Variants in ALK observed in about 807,000 individuals in gnomAD.
ALK encodes ALK tyrosine kinase receptor.
Under a neutral mutation model 163.1 loss-of-function variants are expected in ALK, and 74 were observed. That is an observed-to-expected ratio of 0.45 (90% CI 0.38 to 0.55). The LOEUF (loss-of-function observed/expected upper bound fraction) is 0.55. Ranked by LOEUF, ALK falls within the 20% of genes least tolerant of loss-of-function variation. ALK has a pLI of 0.00. For synonymous variants in ALK, 960 were observed against 843.2 expected (o/e 1.14, Z -2.40); for missense variants, 2,063 against 2,105.3 (o/e 0.98, Z 0.39).
At chr2:29,478,130 C>G (rs892974368) in intron 4 of ALK, among the ~76,000 whole-genome samples, 2 of 152,158 alleles carry the variant, frequency 1.3e-5, no homozygotes, top group Admixed American at 1.3e-4. Context: ...GCTCCAGACC[C>G]AACAGATAGA....
chr2:29,828,075 C>T (rs1665251091), intron 1 of ALK, among the ~76,000 whole-genome samples: 1 of 152,134 alleles, frequency 6.6e-6, no homozygotes, highest in South Asian at 2.1e-4. Context: ...GAAATGATTC[C>T]CTGTTTAATA....
At chr2:29,782,261 T>C (rs1430944836) in intron 1 of ALK, among the ~76,000 whole-genome samples, 1 of 152,086 alleles carries the variant, frequency 6.6e-6, no homozygotes, top group South Asian at 2.1e-4. Flanking sequence ...CAGAGGTGGA[T>C]CAGAGAGAGG....
chr2:29,504,924 G>C (rs1047514183), intron 4 of ALK, among the ~76,000 whole-genome samples: 2 of 152,156 alleles, frequency 1.3e-5, no homozygotes, highest in Non-Finnish European at 2.9e-5. Flanking sequence ...GAGAGGGGGA[G>C]GCAAGGAGCC....
chr2:29,785,912 TAC>T (rs10524599), intron 1 of ALK, among the ~76,000 whole-genome samples: 2,238 of 146,654 alleles, frequency 0.015, 41 homozygotes, highest in African/African-American at 0.051. Flanking sequence ...TTTTTGAGTA[TAC>T]ACACACACAC....
chr2:29,522,614 C>T (rs536327441), intron 4 of ALK, among the ~76,000 whole-genome samples: 66 of 152,190 alleles, frequency 4.3e-4, no homozygotes, highest in African/African-American at 1.6e-3. Context: ...ATGGTCAATG[C>T]TATTTGAGAA....
At chr2:29,846,918 A>G (rs1284243145) in intron 1 of ALK, among the ~76,000 whole-genome samples, 1 of 152,186 alleles carries the variant, frequency 6.6e-6, no homozygotes, top group Non-Finnish European at 1.5e-5. Flanking sequence ...GCCCGCACCT[A>G]TAAGCAGATC....
intron 2 of ALK, among the ~76,000 whole-genome samples, chr2:29,695,893 G>A (rs1573562690): frequency 6.6e-6 from 1 of 152,202 alleles, no homozygotes; most frequent in African/African-American, 2.4e-5. Flanking sequence ...AATAGAAATA[G>A]AAATGCTTTT....
chr2:29,249,622 C>T (rs1398989514), intron 12 of ALK, among the ~76,000 whole-genome samples: 2 of 152,206 alleles, frequency 1.3e-5, no homozygotes, highest in Non-Finnish European at 2.9e-5. Context: ...GCTCCTCCGA[C>T]TCCAGAGTTC....
rs138406372 is a variant in ALK, at chr2:29,226,932, G to C, written c.3057C>G (p.Val1019=). ...DHGTVLAEDG[V]SCIVSPTPEP... ...GCCCTGCCCCCTTACCAATGCAGGA[G>C]ACGCCATCCTCAGCCAGCACCGTCC... The change falls in exon 18 of 29, where the codon GTC becomes GTG. Residue 1019 remains valine (V), a synonymous_variant. Coordinates refer to ENST00000389048, the MANE Select transcript of ALK (RefSeq NM_004304.5). The C allele has an allele frequency of 6.2e-7, 1 of 1,614,212 alleles. No homozygotes were observed. The highest frequency in any genetic ancestry group is 8.5e-7 in the Non-Finnish European group (1 of 1,180,050).
At chr2:29,728,248 T>C (rs1251334018) in intron 1 of ALK, among the ~76,000 whole-genome samples, 1 of 152,236 alleles carries the variant, frequency 6.6e-6, no homozygotes, top group African/African-American at 2.4e-5. Flanking sequence ...GTGGGGATTA[T>C]TATTACCATT....
chr2:29,446,222 C>T (rs1171351461), intron 4 of ALK, among the ~76,000 whole-genome samples: 2 of 151,358 alleles, frequency 1.3e-5, no homozygotes, highest in African/African-American at 4.9e-5. Context: ...GGACATTTTA[C>T]CTCTTCTCAA....
chr2:29,807,832 C>A (rs372045345), intron 1 of ALK, among the ~76,000 whole-genome samples: 1 of 152,180 alleles, frequency 6.6e-6, no homozygotes, highest in African/African-American at 2.4e-5. Context: ...TTCCATAACA[C>A]AGGCATGGAT....
chr2:29,678,183 TTCTC>T (rs1314610330), intron 3 of ALK, among the ~76,000 whole-genome samples: 2 of 152,116 alleles, frequency 1.3e-5, no homozygotes, highest in Admixed American at 6.6e-5. Context: ...AATTTGTGTC[TTCTC>T]TCTCTTTTAC....
intron 1 of ALK, among the ~76,000 whole-genome samples, chr2:29,770,992 GAC>G: frequency 7.0e-6 from 1 of 143,184 alleles, no homozygotes; most frequent in Middle Eastern, 3.5e-3. Context: ...CAGAAACACA[GAC>G]ACACACATGC....
intron 3 of ALK, among the ~76,000 whole-genome samples, chr2:29,541,659 A>G (rs1673416831): frequency 6.6e-6 from 1 of 152,172 alleles, no homozygotes; most frequent in African/African-American, 2.4e-5. Flanking sequence ...ACCCCAAACT[A>G]TATCTATTTG....
chr2:29,762,892 T>A (rs1680748407), intron 1 of ALK, among the ~76,000 whole-genome samples: 1 of 151,908 alleles, frequency 6.6e-6, no homozygotes, highest in African/African-American at 2.4e-5. Flanking sequence ...ATAGAGACCA[T>A]CCTGGCCAAC....
chr2:29,591,813 C>T (rs903710633), intron 3 of ALK, among the ~76,000 whole-genome samples: 7 of 151,882 alleles, frequency 4.6e-5, no homozygotes, highest in African/African-American at 1.5e-4. Context: ...GTGGCAGAAG[C>T]GCCCTCTAAT....
At chr2:29,863,398 G>A (rs1317548365) in intron 1 of ALK, among the ~76,000 whole-genome samples, 4 of 152,044 alleles carry the variant, frequency 2.6e-5, no homozygotes, top group South Asian at 2.1e-4. Context: ...TGTCCAAAAC[G>A]TATAAAGTAC....
intron 3 of ALK, among the ~76,000 whole-genome samples, chr2:29,668,949 G>A (rs1481325369): frequency 6.6e-6 from 1 of 152,008 alleles, no homozygotes; most frequent in African/African-American, 2.4e-5. Context: ...CACAAGAACA[G>A]CAGGAAAGAC....
Sources: gnomAD v4.1 joint callset for allele counts (sites outside exome capture counted in the v4.1 genomes callset) on GRCh38, gnomAD v4.1.1 for gene constraint, MANE v1.5 for transcripts, NCBI Gene and HGNC (gene_info 2026-07-23, HGNC 2026-07-21) for gene names.